The following NOS3 variants were observed in gnomAD, a reference collection of about 807,000 sequenced individuals.
NOS3 encodes nitric oxide synthase 3.
Under a neutral mutation model 144.9 loss-of-function variants are expected in NOS3, and 98 were observed. The ratio of observed to expected loss-of-function variants is 0.68; its 90% CI spans 0.57 to 0.80. The LOEUF (loss-of-function observed/expected upper bound fraction) is 0.80. Among genes scored for constraint, NOS3 ranks in the 30% least tolerant of loss-of-function variants. NOS3 has a pLI of 0.00. For synonymous variants in NOS3, 714 were observed against 702.4 expected, an observed-to-expected ratio of 1.02 and a Z score of -0.26; for missense variants, 1,465 against 1,656.4, an observed-to-expected ratio of 0.88 and a Z score of 2.01.
Position 151,013,791 on chromosome 7 carries a change from G to C in NOS3, c.3323G>C (p.Arg1108Pro). Residue 1108 changes from arginine (R) to proline (P), a missense_variant, in exon 26 of 27, where the codon CGG becomes CCG. By Grantham distance (103) the Arg-to-Pro change is moderately radical. Transcript: ENST00000297494. ...GTGCACCGCGTGCTGTGCCTCGAGC[G>C]GGGCCACATGTTTGTCTGCGGCGAT... ...AEVHRVLCLE[R>P]GHMFVCGDVT... The C allele has an allele frequency of 6.2e-7, 1 of 1,611,162 alleles. No homozygotes were observed. The highest frequency in any genetic ancestry group is 1.3e-5 in the African/African-American group (1 of 75,036).
rs576946949 is a variant in NOS3 at position 151,004,560 on chromosome 7, C to T, written c.1753-1867C>T. Among the ~76,000 whole-genome samples, 18 of 152,270 alleles carry T rather than the reference C, an allele frequency of 1.2e-4. No individual in the cohort carries two copies. The South Asian group carries it at 3.7e-3, about 32-fold the overall frequency. On this transcript the variant is annotated intron_variant, in intron 14 of 26. Transcript: ENST00000297494. The stretch of plus-strand genomic sequence containing the variant: ...TGGAAACAATTCAAATGACCATCGA[C>T]AAATACTGATAAATTGTGGTATATT...
chr7:151,009,974 CA>C, intron 20 of NOS3, 140 bp from the exon 21 acceptor site: 1 of 611,920 alleles, frequency 1.6e-6, no homozygotes, highest in Non-Finnish European at 2.9e-6. Context: ...GGCCCCCGAA[CA>C]ATACACTGAG....
In NOS3 at chr7:151,010,380, CT is replaced by C. The variant is rs1199715080; in HGVS notation, c.2685+94del. 7.1e-6 allele frequency: 9 copies of C among 1,267,382 alleles called. No homozygotes were observed. The Admixed American group carries it at 7.2e-5, about 10-fold the overall frequency. 78.5% of individuals were successfully genotyped at this position (1,267,382 alleles called of 1,614,324 possible). On this transcript the variant is annotated intron_variant, in intron 21 of 26. Transcript: ENST00000297494. ...AGGAAACCCCCATGCAAAGTCCCCC[CT>C]GGACTTTCTTCTCCTGGCCGACATG...
chr7:150,996,797 G>C lies in NOS3; in HGVS notation c.454G>C (p.Glu152Gln), dbSNP rs770325183. The C allele has an allele frequency of 3.7e-6, 6 of 1,611,106 alleles. No individual in the cohort carries two copies. Among genetic ancestry groups the C allele is most frequent in the Non-Finnish European group, 5.1e-6 (6 of 1,179,612 alleles). Reference protein sequence around the residue: ...GSQAHEQRLQEVEAEVAATGT... With the variant: ...GSQAHEQRLQQVEAEVAATGT... ...CCAGGCCCACGAACAGCGGCTTCAA[G>C]AGGTGGAAGCCGAGGTGGCAGCCAC... The change falls in exon 5 of 27, where the codon GAG becomes CAG. Residue 152 changes from glutamate (E) to glutamine (Q), a missense_variant. Coordinates refer to ENST00000297494, the MANE Select transcript of NOS3 (RefSeq NM_000603.5).
chr7:150,999,160 G>C, intron 8 of NOS3, 30 bp from the exon 9 acceptor site: 1 of 1,610,188 alleles, frequency 6.2e-7, no homozygotes, highest in Non-Finnish European at 8.5e-7. Flanking sequence ...CCTGCAAGGG[G>C]GTGCTGATCC....
chr7:151,013,658 G>A, intron 25 of NOS3, 66 bp from the exon 26 acceptor site: 2 of 1,382,782 alleles, frequency 1.4e-6, no homozygotes, highest in South Asian at 1.4e-5. Context: ...GGGCCAGCCA[G>A]CAGCCCCGGG....
In NOS3 at chr7:151,010,807, G is replaced by A. The variant is rs575721087; in HGVS notation, c.2896G>A (p.Asp966Asn). 7.5e-6 allele frequency: 12 copies of A among 1,610,670 alleles called. No individual in the cohort carries two copies. The South Asian group carries it at 1.3e-4, about 18-fold the overall frequency. The change falls in exon 22 of 27, where the codon GAT becomes AAT. Residue 966 changes from aspartate (D) to asparagine (N), a missense_variant and splice_region_variant. By Grantham distance (23) the Asp-to-Asn change is conservative. This residue lies in a region of NOS3 where 106 missense variants were observed against 167.7 expected (regional missense o/e 0.63). Coordinates refer to ENST00000297494, the MANE Select transcript of NOS3 (RefSeq NM_000603.5). ...AGCTGTGCTGGCATACAGGACTCAGGGTGAGGCAACAAGCAGGAGCAGGCC... is the reference window on the plus strand; with the variant it reads ...AGCTGTGCTGGCATACAGGACTCAGAGTGAGGCAACAAGCAGGAGCAGGCC... ...TVAVLAYRTQ[D>N]GLGPLHYGVC...
rs1352453528 is a variant in NOS3 at position 151,012,366 on chromosome 7, G to T, written c.3000G>T (p.Arg1000=). ...CTCCTGCCAGGGCTCCCTCCTTCCG[G>T]CTGCCACCCGATCCCAGCTTGCCCT... is the stretch of plus-strand genomic sequence containing the variant. ...PCFIRGAPSF[R]LPPDPSLPCI... The change falls in exon 24 of 27, where the codon CGG becomes CGT. Residue 1000 remains arginine (R), a synonymous_variant. Coordinates refer to ENST00000297494, the MANE Select transcript of NOS3 (RefSeq NM_000603.5). 2 of 1,571,326 alleles carry T rather than the reference G, an allele frequency of 1.3e-6. No individual in the cohort carries two copies. Among genetic ancestry groups the T allele is most frequent in the Non-Finnish European group, 8.6e-7 (1 of 1,157,890 alleles).
chr7:151,009,516 A>G lies in NOS3; in HGVS notation c.2443A>G (p.Ser815Gly), dbSNP rs775448385. The change falls in exon 20 of 27, where the codon AGC becomes GGC. Residue 815 changes from serine to glycine, a missense_variant. Ser to Gly is a moderately conservative substitution (Grantham distance 56). Transcript: ENST00000297494. ...GCCCGGCCTTGTGGAGGCGCTGCTG[A>G]GCCGCGTGGAGGACCCGCCGGCGCC... ...NRPGLVEALL[S>G]RVEDPPAPTE... 7 of 1,546,568 alleles carry G rather than the reference A, an allele frequency of 4.5e-6. No individual in the cohort carries two copies. In the South Asian group the frequency reaches 7.1e-5, roughly 16 times the overall value.
chr7:150,997,254 G>A (rs956510711), intron 5 of NOS3, among the ~76,000 whole-genome samples: 1 of 151,742 alleles, frequency 6.6e-6, no homozygotes, highest in Admixed American at 6.5e-5. Flanking sequence ...GGGTGAGGAA[G>A]TCTAGACCTG....
At chr7:151,010,568 C>T (rs953367778) in intron 21 of NOS3, 29 bp from the exon 22 acceptor site, 2 of 1,530,836 alleles carry the variant, frequency 1.3e-6, no homozygotes, top group Admixed American at 2.0e-5. Flanking sequence ...GCTATGGGGC[C>T]TCCAACCCAC....
chr7:150,997,376 C>A lies in NOS3; in HGVS notation c.582+451C>A, dbSNP rs2117106659. On this transcript the variant is annotated intron_variant, in intron 5 of 26. Coordinates refer to ENST00000297494, the MANE Select transcript of NOS3 (RefSeq NM_000603.5). The stretch of plus-strand genomic sequence containing the variant: ...CAGCCTCCTGGAAAAGCCCTGGCTG[C>A]TGCTTCTCCCCCAAGAGAGAAGGCT... Among the ~76,000 whole-genome samples the A allele has an allele frequency of 1.3e-5, 2 of 152,212 alleles. 1 individual carries two copies. The highest frequency in any genetic ancestry group is 4.1e-4 in the South Asian group (2 of 4,830).
chr7:150,993,921 C>G lies in NOS3; in HGVS notation c.118C>G (p.Arg40Gly), dbSNP rs764652925. ...GPATPAPEPSRAPASLLPPAP... is the reference protein window; with the variant it reads ...GPATPAPEPSGAPASLLPPAP... ...AGCCACCCCGGCCCCTGAGCCCAGC[C>G]GGGCCCCAGCATCCCTACTCCCACC... Residue 40 changes from arginine to glycine, a missense_variant, in exon 2 of 27, where the codon CGG becomes GGG. This residue lies in a region of NOS3 where 374 missense variants were observed against 377.0 expected (regional missense o/e 0.99). Coordinates refer to ENST00000297494, the MANE Select transcript of NOS3 (RefSeq NM_000603.5). This position sits in a 1 kb window ranked among gnomAD's most constrained non-coding sequence, Gnocchi z 4.0. 3 of 1,580,824 alleles carry G rather than the reference C, an allele frequency of 1.9e-6. No individual in the cohort carries two copies. Among genetic ancestry groups the G allele is most frequent in the Non-Finnish European group, 2.6e-6 (3 of 1,165,260 alleles).
chr7:150,996,670 G>T (rs1053491779), intron 4 of NOS3, 93 bp from the exon 5 acceptor site: 7 of 1,457,256 alleles, frequency 4.8e-6, no homozygotes, highest in South Asian at 2.5e-5. Context: ...GGCCCCTCCC[G>T]CCCTCCCCCA....
Position 150,993,798 on chromosome 7 carries a change from A to G in NOS3, c.-6A>G, listed in dbSNP as rs766557215. On this transcript the variant is annotated 5_prime_UTR_variant, in exon 2 of 27. Coordinates refer to ENST00000297494, the MANE Select transcript of NOS3 (RefSeq NM_000603.5). The surrounding 1 kb of genome is among the most constrained non-coding windows in gnomAD (Gnocchi z 4.0). ...GGAGCAGGCAGCAGAGTGGACGCACAGTAACATGGGCAACTTGAAGAGCGT... is the reference window on the plus strand; with the variant it reads ...GGAGCAGGCAGCAGAGTGGACGCACGGTAACATGGGCAACTTGAAGAGCGT... 3 of 1,588,804 alleles carry G rather than the reference A, an allele frequency of 1.9e-6. No homozygotes were observed. Among genetic ancestry groups the G allele is most frequent in the Non-Finnish European group, 2.6e-6 (3 of 1,173,270 alleles).
chr7:150,995,341 C>T (rs764755443), intron 3 of NOS3, 27 bp downstream of exon 3: 63 of 1,519,226 alleles, frequency 4.1e-5, no homozygotes, highest in Middle Eastern at 3.4e-4. Flanking sequence ...CTGTCCCCAT[C>T]GTCTCCAGGG....
Position 151,003,772 on chromosome 7 carries a change from C to A in NOS3, c.1752+1468C>A. On this transcript the variant is annotated intron_variant, in intron 14 of 26. Coordinates refer to ENST00000297494, the MANE Select transcript of NOS3 (RefSeq NM_000603.5). The surrounding 1 kb of genome is among the most constrained non-coding windows in gnomAD (Gnocchi z 4.1). ...TCTCCTGCTGAGGCTGTTTTTGAGGCGCACTCGTGTTGCTGCGTGACTCAG... is the reference window on the plus strand; with the variant it reads ...TCTCCTGCTGAGGCTGTTTTTGAGGAGCACTCGTGTTGCTGCGTGACTCAG... 1 of 469,648 alleles carries A rather than the reference C, an allele frequency of 2.1e-6. No homozygotes were observed. 29.1% of individuals were successfully genotyped at this position (469,648 alleles called of 1,614,324 possible). A position where few individuals can be genotyped will look rare whatever the true frequency, so the allele number is the denominator to read the frequency against.
At position 151,001,269 on chromosome 7, in the gene NOS3, G is replaced by A. The variant is rs375218296; in HGVS notation, c.1272G>A (p.Thr424=). 31 of 1,613,718 alleles carry A rather than the reference G, an allele frequency of 1.9e-5. No individual in the cohort carries two copies. Among genetic ancestry groups the A allele is most frequent in the East Asian group, 8.9e-5 (4 of 44,878 alleles). ...KVTIVDHHAA[T]ASFMKHLENE... ...CCATCGTGGACCACCACGCCGCCACGGCCTCTTTCATGAAGCACCTGGAGA... is the reference window on the plus strand; with the variant it reads ...CCATCGTGGACCACCACGCCGCCACAGCCTCTTTCATGAAGCACCTGGAGA... Residue 424 remains threonine, a synonymous_variant, in exon 11 of 27, where the codon ACG becomes ACA. Transcript: ENST00000297494.
At chr7:151,006,037 A>G (rs1795200581) in intron 14 of NOS3, among the ~76,000 whole-genome samples, 1 of 152,142 alleles carries the variant, frequency 6.6e-6, no homozygotes, top group Non-Finnish European at 1.5e-5. Flanking sequence ...CAATACTACT[A>G]CTTACGTCAA....
Sources: gnomAD v4.1 joint callset for allele counts (sites outside exome capture counted in the v4.1 genomes callset) on GRCh38, gnomAD v4.1.1 for gene constraint, gnomAD v4.1.1 regional missense constraint, Gnocchi (gnomAD v3.1) non-coding constraint, MANE v1.5 for transcripts, NCBI Gene and HGNC (gene_info 2026-07-23, HGNC 2026-07-21) for gene names.